APBA2: variants seen among roughly 807,000 people sequenced by gnomAD.
APBA2 encodes amyloid-beta A4 precursor protein-binding family A member 2.
A neutral mutation model predicts 75.0 loss-of-function variants in APBA2; 30 were observed. The ratio of observed to expected loss-of-function variants is 0.40; its 90% confidence interval spans 0.30 to 0.54. The LOEUF (loss-of-function observed/expected upper bound fraction) is 0.54, where lower values mean the gene tolerates loss of function less well. Among genes scored for constraint, APBA2 ranks in the 20% least tolerant of loss-of-function variants. The pLI is 0.49. For synonymous variants in APBA2, 444 were observed against 409.6 expected, an observed-to-expected ratio of 1.08 and a Z score of -1.01; for missense variants, 801 against 1,016.1, an observed-to-expected ratio of 0.79 and a Z score of 2.88.
At chr15:28,906,844 G>GT (rs201773878) in intron 1 of APBA2, among the ~76,000 whole-genome samples, 2,251 of 151,866 alleles carry the variant, frequency 0.015, 52 homozygotes, top group African/African-American at 0.051. Flanking sequence ...ACTTGTGAAG[G>GT]TTTTTTTTGT....
chr15:28,897,640 GA>G (rs201698118), intron 1 of APBA2, among the ~76,000 whole-genome samples: 1 of 111,110 alleles, frequency 9.0e-6, no homozygotes, highest in Admixed American at 8.5e-5. Flanking sequence ...AAAAAAAAGA[GA>G]AAAAGAGCAG....
intron 1 of APBA2, among the ~76,000 whole-genome samples, chr15:28,907,386 G>A (rs750447901): frequency 6.6e-6 from 1 of 152,124 alleles, no homozygotes; most frequent in East Asian, 1.9e-4. Context: ...GTGGCTTTTG[G>A]TAAGACTTTG....
At chr15:29,025,772 T>C (rs908892689) in intron 3 of APBA2, among the ~76,000 whole-genome samples, 2 of 151,642 alleles carry the variant, frequency 1.3e-5, no homozygotes, top group African/African-American at 4.8e-5. Flanking sequence ...GCCACCGTGG[T>C]GAAACCCCAT....
chr15:28,973,514 G>T (rs2037177787), intron 2 of APBA2, among the ~76,000 whole-genome samples: 1 of 152,144 alleles, frequency 6.6e-6, no homozygotes, highest in Admixed American at 6.5e-5. Flanking sequence ...GAGGATGAAG[G>T]TGTTAAAAAT....
At chr15:28,914,296 A>G (rs2033568887) in intron 1 of APBA2, among the ~76,000 whole-genome samples, 1 of 152,166 alleles carries the variant, frequency 6.6e-6, no homozygotes, top group Admixed American at 6.5e-5. Flanking sequence ...CTGGTGTATG[A>G]GAGCATAATG....
At chr15:29,036,336 G>A (rs983918422) in intron 3 of APBA2, among the ~76,000 whole-genome samples, 1 of 152,098 alleles carries the variant, frequency 6.6e-6, no homozygotes, top group African/African-American at 2.4e-5. Context: ...ATGTCCCCAG[G>A]TCTCCTTCAG....
intron 2 of APBA2, among the ~76,000 whole-genome samples, chr15:28,950,072 C>A (rs1424616785): frequency 6.6e-6 from 1 of 152,144 alleles, no homozygotes; most frequent in Middle Eastern, 3.2e-3. Flanking sequence ...TGGTCTGTGA[C>A]AGTTTTTCAG....
chr15:29,009,580 G>A (rs2039297991), intron 3 of APBA2, among the ~76,000 whole-genome samples: 1 of 151,686 alleles, frequency 6.6e-6, no homozygotes, highest in Non-Finnish European at 1.5e-5. Context: ...ACCCACCCCC[G>A]ACCACTACCA....
chr15:28,904,063 C>T (rs1255924913), intron 1 of APBA2, among the ~76,000 whole-genome samples: 4 of 152,178 alleles, frequency 2.6e-5, no homozygotes, highest in East Asian at 1.9e-4. Flanking sequence ...AGCATTACAG[C>T]GATTTTTGGC....
In APBA2 at chr15:29,063,547, T is replaced by C. The variant is rs1205738960; in HGVS notation, c.951+8712T>C. Among the ~76,000 whole-genome samples, 6 of 136,056 alleles carry C rather than the reference T, an allele frequency of 4.4e-5. No individual in the cohort carries two copies. In the East Asian group the frequency reaches 1.4e-3, roughly 33 times the overall value. The allele number at this position is 136,056 out of a possible 152,430, so 89.3% of individuals were successfully genotyped here. A position where few individuals can be genotyped will look rare whatever the true frequency, so the allele number is the denominator to read the frequency against. On this transcript the variant is annotated intron_variant, in intron 4 of 14. Transcript: ENST00000683413. ...GTGTCTGTATGGGTGGTGCGGGGAGTTGATCTGGTCAGTGTCTGTATGGGT... is the reference window on the plus strand; with the variant it reads ...GTGTCTGTATGGGTGGTGCGGGGAGCTGATCTGGTCAGTGTCTGTATGGGT...
intron 1 of APBA2, among the ~76,000 whole-genome samples, chr15:28,889,058 G>A (rs2031954316): frequency 1.3e-5 from 2 of 152,058 alleles, no homozygotes; most frequent in Admixed American, 6.6e-5. Flanking sequence ...TGGTTGGCCC[G>A]AGTGCCCACA....
Position 29,043,954 on chromosome 15 carries a change from C to T in APBA2, c.-40-9891C>T, listed in dbSNP as rs182522905. Among the ~76,000 whole-genome samples the T allele has an allele frequency of 2.6e-3, 400 of 152,300 alleles. 2 individuals carry two copies. The highest frequency in any genetic ancestry group is 6.8e-3 in the Middle Eastern group (2 of 294). ...GGAATGCTTGGGCTGATTATACAAG[C>T]ATTCTCCAGGACTGTTCAAACCCAC... On this transcript the variant is annotated intron_variant, in intron 3 of 14. Coordinates refer to ENST00000683413, the MANE Select transcript of APBA2 (RefSeq NM_001353788.2).
intron 4 of APBA2, among the ~76,000 whole-genome samples, chr15:29,074,395 G>T (rs1292091140): frequency 1.3e-5 from 2 of 152,200 alleles, no homozygotes; most frequent in African/African-American, 4.8e-5. Flanking sequence ...AGTTCCAAAA[G>T]GGCACATACT....
At chr15:28,943,426 G>A (rs1595522933) in intron 2 of APBA2, among the ~76,000 whole-genome samples, 1 of 152,208 alleles carries the variant, frequency 6.6e-6, no homozygotes, top group Non-Finnish European at 1.5e-5. Context: ...TCTGTGCCCT[G>A]CATCTGCGAC....
chr15:28,992,046 C>T (rs2038262772), intron 2 of APBA2, among the ~76,000 whole-genome samples: 1 of 152,150 alleles, frequency 6.6e-6, no homozygotes, highest in African/African-American at 2.4e-5. Context: ...GTGAGTGTTG[C>T]CTTAGCTTTG....
intron 2 of APBA2, among the ~76,000 whole-genome samples, chr15:28,966,966 C>A (rs2036772084): frequency 6.6e-6 from 1 of 152,140 alleles, no homozygotes; most frequent in African/African-American, 2.4e-5. Flanking sequence ...CCACTGAGTA[C>A]CTTATCGTAT....
chr15:29,048,023 T>C (rs968000297), intron 3 of APBA2, among the ~76,000 whole-genome samples: 1 of 151,974 alleles, frequency 6.6e-6, no homozygotes, highest in African/African-American at 2.4e-5. Context: ...TTGGGTGAAA[T>C]TGGGTAAAAA....
chr15:29,064,336 C>G (rs2042283328), intron 4 of APBA2, among the ~76,000 whole-genome samples: 1 of 152,230 alleles, frequency 6.6e-6, no homozygotes, highest in South Asian at 2.1e-4. Flanking sequence ...CCGGCCCTCC[C>G]TGCAAATCTC....
At chr15:29,053,143 C>G (rs1473882383) in intron 3 of APBA2, among the ~76,000 whole-genome samples, 2 of 152,196 alleles carry the variant, frequency 1.3e-5, no homozygotes, top group Non-Finnish European at 2.9e-5. Context: ...TGCAGCTGCC[C>G]TGTCACCCCA....
Sources: allele counts gnomAD v4.1 joint callset (sites outside exome capture counted in the v4.1 genomes callset), GRCh38; gene constraint gnomAD v4.1.1; transcripts MANE v1.5; gene names NCBI Gene and HGNC (gene_info 2026-07-23, HGNC 2026-07-21).